The following PDK1 variants were observed in gnomAD, a reference collection of about 807,000 sequenced individuals.
PDK1 encodes the protein pyruvate dehydrogenase kinase 1.
A neutral mutation model predicts 54.2 loss-of-function variants in PDK1; 39 were observed. The ratio of observed to expected loss-of-function variants is 0.72; its 90% confidence interval spans 0.56 to 0.94. The LOEUF (loss-of-function observed/expected upper bound fraction) is 0.94, where lower values mean the gene tolerates loss of function less well. Ranked by LOEUF, PDK1 falls within the 40% of genes least tolerant of loss-of-function variation. The pLI is 0.00. For synonymous variants in PDK1, 221 were observed against 207.1 expected (o/e 1.07, Z -0.58); for missense variants, 552 against 566.0 (o/e 0.98, Z 0.25).
At chr2:172,695,146 TG>T in the PDK1 span, among the ~76,000 whole-genome samples, 2 of 152,138 alleles carry the variant, frequency 1.3e-5, no homozygotes, top group East Asian at 1.9e-4. Context: ...AGTTTAGCGA[TG>T]TTTTTTTGAC....
At chr2:172,696,189 GA>G in the PDK1 span, among the ~76,000 whole-genome samples, 1 of 104,950 alleles carries the variant, frequency 9.5e-6, no homozygotes, top group African/African-American at 3.4e-5. Context: ...AAAAAAAAAA[GA>G]AAAAAAAAAG....
At chr2:172,643,433 G>A in the PDK1 span, among the ~76,000 whole-genome samples, 2 of 152,216 alleles carry the variant, frequency 1.3e-5, no homozygotes, top group African/African-American at 4.8e-5. Flanking sequence ...GTGGCCGTGA[G>A]CCCTGTGCTT....
intron 8 of PDK1, among the ~76,000 whole-genome samples, chr2:172,578,420 G>GT (rs890451576): frequency 6.6e-6 from 1 of 151,622 alleles, no homozygotes; most frequent in Non-Finnish European, 1.5e-5. Context: ...TATCTATCCT[G>GT]TTTTTTTCAC....
rs1026000027 is a variant in PDK1, at chr2:172,596,133, T to C, written c.*164T>C. The C allele has an allele frequency of 2.1e-5, 12 of 558,316 alleles. No individual in the cohort carries two copies. Among genetic ancestry groups the C allele is most frequent in the African/African-American group, 2.0e-4 (11 of 53,770 alleles). 34.6% of individuals were successfully genotyped at this position (558,316 alleles called of 1,614,324 possible). The stretch of plus-strand genomic sequence containing the variant: ...TTCCATTTGTGCCCGTTAAACCTCC[T>C]AAAGGATGAAATTGCACCTATTTTA... On this transcript the variant is annotated 3_prime_UTR_variant, in exon 11 of 11. Coordinates refer to ENST00000282077, the MANE Select transcript of PDK1 (RefSeq NM_002610.5).
At chr2:172,634,930 CTT>C in the PDK1 span, among the ~76,000 whole-genome samples, 1 of 152,130 alleles carries the variant, frequency 6.6e-6, no homozygotes, top group Non-Finnish European at 1.5e-5. Flanking sequence ...TGAAGGAACT[CTT>C]TTCAGAATGT....
the PDK1 span, among the ~76,000 whole-genome samples, chr2:172,668,216 T>G: frequency 1.3e-5 from 2 of 152,062 alleles, no homozygotes; most frequent in African/African-American, 2.4e-5. Context: ...CAGTAATAAC[T>G]GCAAACCAGC....
the PDK1 span, among the ~76,000 whole-genome samples, chr2:172,642,666 T>C: frequency 1.3e-5 from 2 of 152,228 alleles, no homozygotes; most frequent in Non-Finnish European, 2.9e-5. Flanking sequence ...AGAGACTTCC[T>C]GACAGGGTGG....
At chr2:172,638,970 C>G in the PDK1 span, among the ~76,000 whole-genome samples, 291 of 152,204 alleles carry the variant, frequency 1.9e-3, 1 homozygote, top group Non-Finnish European at 3.4e-3. Flanking sequence ...AAAAACGTCA[C>G]GACAAGGTGA....
the PDK1 span, among the ~76,000 whole-genome samples, chr2:172,640,425 C>T: frequency 6.6e-6 from 1 of 152,172 alleles, no homozygotes; most frequent in Non-Finnish European, 1.5e-5. Context: ...ACTCAGCCTG[C>T]TCATTGGCAG....
At chr2:172,686,691 A>G in the PDK1 span, among the ~76,000 whole-genome samples, 1 of 152,192 alleles carries the variant, frequency 6.6e-6, no homozygotes, top group African/African-American at 2.4e-5. Context: ...TGCTGCTCAC[A>G]ATAAATCAGC....
At chr2:172,636,128 G>C in the PDK1 span, among the ~76,000 whole-genome samples, 1 of 152,310 alleles carries the variant, frequency 6.6e-6, no homozygotes, top group East Asian at 1.9e-4. Context: ...TTAGAATCCT[G>C]TGAACACAAA....
In PDK1 at chr2:172,605,234, C is replaced by G. The variant is rs1189839755; in HGVS notation, c.*9265C>G. ...GAGATAGAACCAAATACCATAATGC[C>G]TCCTTCTATTCCACTATGAACAGTC... On this transcript the variant is annotated 3_prime_UTR_variant, in exon 11 of 11. Coordinates refer to ENST00000282077, the MANE Select transcript of PDK1 (RefSeq NM_002610.5). 6.6e-6 allele frequency: 1 copy of G among 152,132 alleles called. No homozygotes were observed. 9.4% of individuals were successfully genotyped at this position (152,132 alleles called of 1,614,324 possible).
At chr2:172,622,992 G>T in the PDK1 span, among the ~76,000 whole-genome samples, 1 of 150,928 alleles carries the variant, frequency 6.6e-6, no homozygotes. Context: ...TCCCTCTAGA[G>T]AACCCTGGCT....
Position 172,558,689 on chromosome 2 carries a change from C to A in PDK1, c.197-19C>A. The A allele has an allele frequency of 6.3e-7, 1 of 1,584,922 alleles. No homozygotes were observed. Among genetic ancestry groups the A allele is most frequent in the Non-Finnish European group, 8.5e-7 (1 of 1,170,208 alleles). On this transcript the variant is annotated intron_variant, in intron 1 of 10. Coordinates refer to ENST00000282077, the MANE Select transcript of PDK1 (RefSeq NM_002610.5). ...TTATGGCTTTTACTTACTGCTTTAC[C>A]CATCATGTTTGGTTTCAGGATCAGT... is the stretch of plus-strand genomic sequence containing the variant.
the PDK1 span, among the ~76,000 whole-genome samples, chr2:172,621,966 TATG>T: frequency 2.7e-5 from 4 of 150,316 alleles, no homozygotes; most frequent in African/African-American, 7.3e-5. Context: ...TTATATCTCA[TATG>T]ATGTATGTTT....
the PDK1 span, among the ~76,000 whole-genome samples, chr2:172,689,981 A>G: frequency 6.6e-6 from 1 of 150,470 alleles, no homozygotes; most frequent in Admixed American, 6.8e-5. Flanking sequence ...AATGGCAACA[A>G]AAGCCAAAAT....
the PDK1 span, among the ~76,000 whole-genome samples, chr2:172,692,870 A>C: frequency 0.19 from 28,828 of 152,192 alleles, 3,320 homozygotes; most frequent in African/African-American, 0.32. Flanking sequence ...ATGTAACTTG[A>C]ACCCATGGCA....
At chr2:172,720,216 G>A in the PDK1 span, among the ~76,000 whole-genome samples, 1 of 148,100 alleles carries the variant, frequency 6.8e-6, no homozygotes, top group Non-Finnish European at 1.5e-5. Flanking sequence ...CTGGATTCAA[G>A]TGATTCTCAT....
chr2:172,695,159 A>G, the PDK1 span, among the ~76,000 whole-genome samples: 2 of 152,152 alleles, frequency 1.3e-5, no homozygotes, highest in East Asian at 3.9e-4. Context: ...TTTTTTGACC[A>G]GAAATATGCC....
Sources: allele counts gnomAD v4.1 joint callset (sites outside exome capture counted in the v4.1 genomes callset), GRCh38; gene constraint gnomAD v4.1.1; transcripts MANE v1.5; gene names NCBI Gene and HGNC (gene_info 2026-07-23, HGNC 2026-07-21).